Variants in NWD2 observed in about 807,000 individuals in gnomAD.
NWD2 encodes the protein NACHT and WD repeat domain containing 2.
NWD2 carries 37 observed loss-of-function variants against 132.7 expected under a neutral mutation model. That is an observed-to-expected ratio of 0.28 (90% confidence interval 0.21 to 0.37). NWD2 has a LOEUF of 0.37. Ranked by LOEUF, NWD2 falls within the 10% of genes least tolerant of loss-of-function variation. The pLI is 1.00. For missense variants in NWD2, 1,592 were observed against 2,122.4 expected (o/e 0.75, Z 4.91); for synonymous variants, 705 against 803.0 (o/e 0.88, Z 2.06).
chr4:37,327,225 G>A (rs1470335632), intron 2 of NWD2, among the ~76,000 whole-genome samples: 1 of 152,014 alleles, frequency 6.6e-6, no homozygotes, highest in Non-Finnish European at 1.5e-5. Flanking sequence ...CCATCTTTAG[G>A]TTTGTTTTTG....
chr4:37,298,649 A>G (rs972803655), intron 1 of NWD2, among the ~76,000 whole-genome samples: 1 of 152,130 alleles, frequency 6.6e-6, no homozygotes, highest in Non-Finnish European at 1.5e-5. Flanking sequence ...TGTAAAAGAA[A>G]CTATGGAAAC....
chr4:37,430,530 T>C (rs1577700471), intron 3 of NWD2, 42 bp from the exon 4 acceptor site: 1 of 1,411,172 alleles, frequency 7.1e-7, no homozygotes. Flanking sequence ...AAATGAACTT[T>C]CTTGGTGATA....
intron 1 of NWD2, among the ~76,000 whole-genome samples, chr4:37,306,384 T>G (rs983253106): frequency 6.6e-6 from 1 of 152,150 alleles, no homozygotes; most frequent in African/African-American, 2.4e-5. Context: ...TTCTTGCTTT[T>G]CTGATAGCTT....
intron 1 of NWD2, among the ~76,000 whole-genome samples, chr4:37,314,609 A>T (rs1180066282): frequency 1.3e-5 from 2 of 152,184 alleles, no homozygotes; most frequent in Admixed American, 6.5e-5. Flanking sequence ...CTGTAGCATC[A>T]GTAGTGATGG....
chr4:37,325,384 T>A (rs1719148432), intron 1 of NWD2, among the ~76,000 whole-genome samples: 2 of 152,142 alleles, frequency 1.3e-5, no homozygotes, highest in South Asian at 4.1e-4. Context: ...GCCAATTGAA[T>A]CTACAGTGGG....
At chr4:37,324,924 A>G in intron 1 of NWD2, among the ~76,000 whole-genome samples, 1 of 152,190 alleles carries the variant, frequency 6.6e-6, no homozygotes, top group Non-Finnish European at 1.5e-5. Flanking sequence ...ATTCTTTTAA[A>G]CGGTTATCTT....
At position 37,402,580 on chromosome 4, in the gene NWD2, C is replaced by A. The variant is rs546343101; in HGVS notation, c.358-27992C>A. On this transcript the variant is annotated intron_variant, in intron 3 of 6. Coordinates refer to ENST00000309447, the MANE Select transcript of NWD2 (RefSeq NM_001144990.2). ...TTATTTAAATGCAATGTACTTCCCC[C>A]ATATCTAGAATTTTTATCTATTGGT... Among the ~76,000 whole-genome samples the A allele has an allele frequency of 2.0e-5, 3 of 152,264 alleles. No homozygotes were observed. In the South Asian group the frequency reaches 6.2e-4, roughly 32 times the overall value.
chr4:37,381,088 G>C (rs1177522122), intron 3 of NWD2, among the ~76,000 whole-genome samples: 4 of 152,118 alleles, frequency 2.6e-5, no homozygotes, highest in African/African-American at 9.7e-5. Context: ...CCACCCACTG[G>C]TGATCCTAAC....
At chr4:37,382,802 T>C (rs560145411) in intron 3 of NWD2, among the ~76,000 whole-genome samples, 143 of 152,234 alleles carry the variant, frequency 9.4e-4, no homozygotes, top group African/African-American at 3.1e-3. Flanking sequence ...GCAATTCTTG[T>C]GCCTCAGCCT....
intron 2 of NWD2, among the ~76,000 whole-genome samples, chr4:37,342,670 C>G (rs989051350): frequency 6.6e-5 from 10 of 152,158 alleles, no homozygotes; most frequent in African/African-American, 2.4e-4. Flanking sequence ...GTTCATTAAG[C>G]CTTCATAGAT....
intron 1 of NWD2, among the ~76,000 whole-genome samples, chr4:37,299,121 C>T (rs1718562309): frequency 6.6e-6 from 1 of 152,112 alleles, no homozygotes; most frequent in South Asian, 2.1e-4. Context: ...TAAAGTTCTC[C>T]TCACCTCATA....
At chr4:37,292,650 T>A (rs1718388642) in intron 1 of NWD2, among the ~76,000 whole-genome samples, 1 of 151,976 alleles carries the variant, frequency 6.6e-6, no homozygotes, top group South Asian at 2.1e-4. Context: ...TATGTGGAGA[T>A]CAAAATTGCA....
chr4:37,438,911 C>A lies in NWD2; in HGVS notation c.817C>A (p.Pro273Thr). The change falls in exon 6 of 7, where the codon CCA becomes ACA. Residue 273 changes from proline (P) to threonine (T), a missense_variant. Pro to Thr is a conservative substitution (Grantham distance 38, BLOSUM62 -1). Around this residue, in one of 7 missense-constraint regions of NWD2, gnomAD observed 1,071 missense variants for 1,398.0 expected, o/e 0.77. Coordinates refer to ENST00000309447, the MANE Select transcript of NWD2 (RefSeq NM_001144990.2). ...IANIERFVKI[P>T]EMGKYMDITG... ...TAACATTGAGCGCTTTGTGAAAATCCCAGAGATGGGAAAATACATGGATAT... is the reference window on the plus strand; with the variant it reads ...TAACATTGAGCGCTTTGTGAAAATCACAGAGATGGGAAAATACATGGATAT... 1 of 1,551,818 alleles carries A rather than the reference C, an allele frequency of 6.4e-7. No homozygotes were observed. The highest frequency in any genetic ancestry group is 8.7e-7 in the Non-Finnish European group (1 of 1,147,022).
intron 1 of NWD2, among the ~76,000 whole-genome samples, chr4:37,295,320 T>C (rs1718451702): frequency 6.6e-6 from 1 of 152,236 alleles, no homozygotes; most frequent in South Asian, 2.1e-4. Flanking sequence ...GTGTACTTTG[T>C]GTTTGAACAC....
At chr4:37,284,469 G>T (rs1190545535) in intron 1 of NWD2, among the ~76,000 whole-genome samples, 3 of 152,104 alleles carry the variant, frequency 2.0e-5, no homozygotes, top group Non-Finnish European at 4.4e-5. Flanking sequence ...TGAGCCCCAG[G>T]ACCCCACAGC....
intron 1 of NWD2, among the ~76,000 whole-genome samples, chr4:37,291,431 T>C (rs1324968555): frequency 1.3e-5 from 2 of 152,200 alleles, no homozygotes; most frequent in Non-Finnish European, 2.9e-5. Context: ...TACATCAGTC[T>C]AGTAGGTTCC....
chr4:37,300,916 A>G (rs367987110), intron 1 of NWD2, among the ~76,000 whole-genome samples: 9 of 152,166 alleles, frequency 5.9e-5, no homozygotes, highest in African/African-American at 2.2e-4. Flanking sequence ...TATTTTATGC[A>G]GCTAATACTT....
At chr4:37,284,206 C>T (rs1379332216) in intron 1 of NWD2, among the ~76,000 whole-genome samples, 2 of 152,088 alleles carry the variant, frequency 1.3e-5, no homozygotes, top group Non-Finnish European at 2.9e-5. Context: ...CTTTCTGGTT[C>T]GTAGGTGGCA....
intron 3 of NWD2, among the ~76,000 whole-genome samples, chr4:37,423,790 A>G (rs1273513009): frequency 1.3e-5 from 2 of 152,208 alleles, no homozygotes; most frequent in African/African-American, 4.8e-5. Context: ...TCATGTTGAC[A>G]CATAGAATTA....
Sources: allele counts gnomAD v4.1 joint callset (sites outside exome capture counted in the v4.1 genomes callset), GRCh38; gene constraint gnomAD v4.1.1; regional missense constraint gnomAD v4.1.1; transcripts MANE v1.5; gene names NCBI Gene and HGNC (gene_info 2026-07-23, HGNC 2026-07-21).